The following USP42 variants were observed in gnomAD, a reference collection of about 807,000 sequenced individuals.
The protein encoded by USP42 is ubiquitin carboxyl-terminal hydrolase 42.
In USP42, 23 loss-of-function variants were observed where a neutral mutation model predicts 113.0. The ratio of observed to expected loss-of-function variants is 0.20; its 90% CI spans 0.15 to 0.29. USP42 has a LOEUF of 0.29. USP42 is among the 10% of genes least tolerant of loss of function. The probability of loss-of-function intolerance (pLI) is 1.00; values close to 1 mark genes in which losing one functional copy is unlikely to be tolerated. For missense variants in USP42, 2,174 were observed against 1,779.8 expected, an observed-to-expected ratio of 1.22 and a Z score of -3.99; for synonymous variants, 933 against 699.0, an observed-to-expected ratio of 1.33 and a Z score of -5.28.
intron 10 of USP42, 87 bp from the exon 11 acceptor site, chr7:6,146,061 C>CAA: frequency 2.8e-6 from 3 of 1,072,616 alleles, no homozygotes; most frequent in South Asian, 3.0e-5. Context: ...GACTCCATCT[C>CAA]AAAAAAAAAG....
At chr7:6,152,905 G>A in intron 14 of USP42, 1 of 985,106 alleles carries the variant, frequency 1.0e-6, no homozygotes, top group Non-Finnish European at 1.2e-6. Context: ...CAGAGAAAGG[G>A]AGTCGAGAGG....
At chr7:6,136,100 G>T (rs1781131442) in intron 4 of USP42, 149 bp downstream of exon 4, 2 of 530,178 alleles carry the variant, frequency 3.8e-6, no homozygotes, top group Admixed American at 3.5e-5. Flanking sequence ...CACCTCCCAG[G>T]TTCAAACGAT....
At chr7:6,122,484 G>C (rs191352086) in intron 3 of USP42, among the ~76,000 whole-genome samples, 1 of 151,596 alleles carries the variant, frequency 6.6e-6, no homozygotes, top group Non-Finnish European at 1.5e-5. Flanking sequence ...TTGTTTGTTT[G>C]TTTTGAGACA....
At chr7:6,141,805 A>G (rs1781447262) in intron 7 of USP42, among the ~76,000 whole-genome samples, 2 of 152,216 alleles carry the variant, frequency 1.3e-5, no homozygotes, top group Admixed American at 6.5e-5. Flanking sequence ...GCTTATGATA[A>G]AAATGAGTAA....
the USP42 span, among the ~76,000 whole-genome samples, chr7:6,091,433 G>A: frequency 1.3e-5 from 2 of 150,360 alleles, no homozygotes; most frequent in South Asian, 4.2e-4. Flanking sequence ...TCCCTATGTT[G>A]CCCAGGCTGG....
intron 3 of USP42, among the ~76,000 whole-genome samples, chr7:6,125,481 ACT>A (rs1780487199): frequency 6.6e-6 from 1 of 152,152 alleles, no homozygotes. Context: ...CAAGAGCGAA[ACT>A]CTGTCACAAA....
chr7:6,084,008 A>G, the USP42 span, among the ~76,000 whole-genome samples: 1 of 151,060 alleles, frequency 6.6e-6, no homozygotes, highest in South Asian at 2.1e-4. Flanking sequence ...TAAGGTATAT[A>G]CATCACACGA....
At chr7:6,119,098 C>G (rs1365177457) in intron 3 of USP42, among the ~76,000 whole-genome samples, 1 of 151,372 alleles carries the variant, frequency 6.6e-6, no homozygotes, top group Non-Finnish European at 1.5e-5. Context: ...GCCTATAGTC[C>G]TAGTTACTTC....
rs1415030866 is a variant in USP42, at chr7:6,150,437, T to C, written c.2132T>C (p.Leu711Pro). 6.2e-7 allele frequency: 1 copy of C among 1,613,964 alleles called. No individual in the cohort carries two copies. Among genetic ancestry groups the C allele is most frequent in the East Asian group, 2.2e-5 (1 of 44,880 alleles). ...GKLMPAPLLS[L>P]PEDKILETFR... Reference sequence around the variant, plus strand: ...TTGATGCCTGCTCCTTTGCTGTCTCTCCCAGAAGACAAAATCTTAGAGACC... The same window carrying C: ...TTGATGCCTGCTCCTTTGCTGTCTCCCCCAGAAGACAAAATCTTAGAGACC... Residue 711 changes from leucine to proline, a missense_variant, in exon 14 of 18, where the codon CTC (leucine) becomes CCC (proline). Transcript: ENST00000306177.
At position 6,118,067 on chromosome 7, in the gene USP42, T is replaced by C. The variant is rs188892304; in HGVS notation, c.442+2544T>C. Reference sequence around the variant, plus strand: ...TTTGTTTTGGGAAATTTCATTTCTTTTTTTTTCTTTTTATTCGTTGTGCTG... The same window carrying C: ...TTTGTTTTGGGAAATTTCATTTCTTCTTTTTTCTTTTTATTCGTTGTGCTG... On this transcript the variant is annotated intron_variant, in intron 3 of 17. Transcript: ENST00000306177. Among the ~76,000 whole-genome samples, 265 of 152,310 alleles carry C rather than the reference T, an allele frequency of 1.7e-3. 1 individual carries two copies. The highest frequency in any genetic ancestry group is 9.6e-4 in the Non-Finnish European group (65 of 68,032).
At chr7:6,109,762 A>G (rs573565289) in intron 1 of USP42, among the ~76,000 whole-genome samples, 1 of 142,958 alleles carries the variant, frequency 7.0e-6, no homozygotes, top group Admixed American at 7.3e-5. Context: ...TATCAGTGGC[A>G]CGGTTTTGGC....
chr7:6,107,919 T>C (rs1186253103), intron 1 of USP42, among the ~76,000 whole-genome samples: 1 of 152,214 alleles, frequency 6.6e-6, no homozygotes, highest in African/African-American at 2.4e-5. Flanking sequence ...TTTCTATTTC[T>C]ACTTGAGTTC....
At chr7:6,088,322 C>G in the USP42 span, among the ~76,000 whole-genome samples, 1 of 150,894 alleles carries the variant, frequency 6.6e-6, no homozygotes, top group African/African-American at 2.5e-5. Flanking sequence ...GTGGTGCAAT[C>G]TCGGCTCACT....
At chr7:6,109,553 C>T (rs1284871019) in intron 1 of USP42, among the ~76,000 whole-genome samples, 2 of 152,080 alleles carry the variant, frequency 1.3e-5, no homozygotes, top group Non-Finnish European at 2.9e-5. Context: ...GCCACCATGC[C>T]TGGTTAATTT....
At chr7:6,119,093 T>C (rs1780070396) in intron 3 of USP42, among the ~76,000 whole-genome samples, 1 of 151,850 alleles carries the variant, frequency 6.6e-6, no homozygotes, top group Admixed American at 6.6e-5. Context: ...CTCATGCCTA[T>C]AGTCCTAGTT....
At chr7:6,107,628 T>C (rs1382281620) in intron 1 of USP42, among the ~76,000 whole-genome samples, 1 of 152,020 alleles carries the variant, frequency 6.6e-6, no homozygotes, top group African/African-American at 2.4e-5. Context: ...AGGCTGGTCT[T>C]GAACTCCTGA....
chr7:6,133,707 A>G (rs911430879), intron 3 of USP42, among the ~76,000 whole-genome samples: 4 of 151,796 alleles, frequency 2.6e-5, no homozygotes, highest in Non-Finnish European at 5.9e-5. Flanking sequence ...TTTAGTAGAG[A>G]TGGGGTTTTT....
intron 4 of USP42, among the ~76,000 whole-genome samples, chr7:6,138,229 C>G: frequency 6.6e-6 from 1 of 152,020 alleles, no homozygotes; most frequent in East Asian, 1.9e-4. Context: ...TGTGATATTG[C>G]TTATACTTTT....
intron 4 of USP42, among the ~76,000 whole-genome samples, chr7:6,138,572 T>G (rs1781275851): frequency 6.6e-6 from 1 of 152,166 alleles, no homozygotes; most frequent in South Asian, 2.1e-4. Context: ...CTGTGGACTT[T>G]TAATGGTGTA....
Sources: gnomAD v4.1 joint callset for allele counts (sites outside exome capture counted in the v4.1 genomes callset) on GRCh38, gnomAD v4.1.1 for gene constraint, MANE v1.5 for transcripts, NCBI Gene and HGNC (gene_info 2026-07-23, HGNC 2026-07-21) for gene names.